Variants in DNAJC21 observed in about 807,000 individuals in gnomAD.
The protein encoded by DNAJC21 is dnaJ homolog subfamily C member 21.
A neutral mutation model predicts 72.4 loss-of-function variants in DNAJC21; 63 were observed. The observed-to-expected ratio is 0.87, with a 90% CI of 0.71 to 1.07. DNAJC21 has a LOEUF of 1.07. Among genes scored for constraint, DNAJC21 ranks in the 50% least tolerant of loss-of-function variants. The pLI, the probability that DNAJC21 is intolerant of heterozygous loss-of-function variation, is 0.00. For synonymous variants in DNAJC21, 203 were observed against 216.7 expected, an observed-to-expected ratio of 0.94 and a Z score of 0.56; for missense variants, 634 against 644.8, an observed-to-expected ratio of 0.98 and a Z score of 0.18.
rs1275137344 is a variant in DNAJC21, at chr5:34,937,357, G to C, written c.470G>C (p.Ser157Thr). 1 of 1,613,506 alleles carries C rather than the reference G, an allele frequency of 6.2e-7. No homozygotes were observed. Among genetic ancestry groups the C allele is most frequent in the East Asian group, 2.2e-5 (1 of 44,890 alleles). ...CATCCTTTCTACGCTTATTGGCAGA[G>C]TTTCTGCACTCAAAAGAATTTTGCA... ...VVHPFYAYWQ[S>T]FCTQKNFAWK... is the part of the protein sequence containing the mutation. Residue 157 changes from serine (S) to threonine (T), a missense_variant, in exon 5 of 12, where the codon AGT becomes ACT. Coordinates refer to ENST00000648817, the MANE Select transcript of DNAJC21 (RefSeq NM_001012339.3).
At chr5:34,945,735 A>T in intron 8 of DNAJC21, 26 bp from the exon 9 acceptor site, 1 of 1,571,916 alleles carries the variant, frequency 6.4e-7, no homozygotes, top group Non-Finnish European at 8.6e-7. Context: ...CAAGTATTTG[A>T]CATTTCGATT....
intron 2 of DNAJC21, among the ~76,000 whole-genome samples, chr5:34,934,998 T>C (rs1178140199): frequency 2.0e-5 from 3 of 152,198 alleles, no homozygotes; most frequent in Admixed American, 6.5e-5. Context: ...TACTCTCTTC[T>C]CAAGATCTTG....
At position 34,958,232 on chromosome 5, in the gene DNAJC21, A is replaced by G. The variant is rs1235625260; in HGVS notation, c.*3518A>G. 6.6e-6 allele frequency: 1 copy of G among 152,242 alleles called. No homozygotes were observed. The highest frequency in any genetic ancestry group is 1.5e-5 in the Non-Finnish European group (1 of 68,042). The allele number at this position is 152,242 out of a possible 1,614,324, so 9.4% of individuals were successfully genotyped here. On this transcript the variant is annotated 3_prime_UTR_variant, in exon 12 of 12. Coordinates refer to ENST00000648817, the MANE Select transcript of DNAJC21 (RefSeq NM_001012339.3). The stretch of plus-strand genomic sequence containing the variant: ...GCATGAACTTGTCCTAACAATGTCA[A>G]AGAATATTTTAAAGGTATACCAGTT...
chr5:34,945,840 C>T lies in DNAJC21; in HGVS notation c.1185+37C>T, dbSNP rs547874878. ...AGGTTTTGTTAACATTAAATGCCAA[C>T]GATAAAGTTGCAGTGCTCTTATTTA... is the stretch of plus-strand genomic sequence containing the variant. On this transcript the variant is annotated intron_variant, in intron 9 of 11. Coordinates refer to ENST00000648817, the MANE Select transcript of DNAJC21 (RefSeq NM_001012339.3). 79 of 1,434,422 alleles carry T rather than the reference C, an allele frequency of 5.5e-5. 1 individual carries two copies. Among genetic ancestry groups the T allele is most frequent in the South Asian group, 4.3e-4 (33 of 77,492 alleles). 88.9% of individuals were successfully genotyped at this position (1,434,422 alleles called of 1,614,324 possible). A position where few individuals can be genotyped will look rare whatever the true frequency, so the allele number is the denominator to read the frequency against.
intron 11 of DNAJC21, 52 bp downstream of exon 11, chr5:34,954,053 G>A: frequency 6.7e-7 from 1 of 1,495,876 alleles, no homozygotes; most frequent in South Asian, 1.3e-5. Context: ...TGTTTAAGCA[G>A]TATAATGATC....
chr5:34,938,976 A>G lies in DNAJC21; in HGVS notation c.862A>G (p.Met288Val), dbSNP rs1197847587. Residue 288 changes from methionine to valine, a missense_variant, in exon 6 of 12, where the codon ATG (methionine) becomes GTG (valine). Met to Val is a conservative substitution (Grantham distance 21). Coordinates refer to ENST00000648817, the MANE Select transcript of DNAJC21 (RefSeq NM_001012339.3). ...EFGDGSDENE[M>V]EEHELKDEED... Reference sequence around the variant, plus strand: ...TGGAGATGGATCGGATGAAAATGAAATGGAAGAACATGAACTCAAAGATGA... The same window carrying G: ...TGGAGATGGATCGGATGAAAATGAAGTGGAAGAACATGAACTCAAAGATGA... 3.1e-6 allele frequency: 5 copies of G among 1,612,996 alleles called. No homozygotes were observed. Among genetic ancestry groups the G allele is most frequent in the Middle Eastern group, 1.6e-4 (1 of 6,084 alleles).
intron 10 of DNAJC21, chr5:34,951,095 A>G (rs2112097755): frequency 2.0e-6 from 2 of 985,534 alleles, no homozygotes; most frequent in Non-Finnish European, 2.4e-6. Flanking sequence ...GAGTGTGTGT[A>G]CTTCGGAGTT....
At chr5:34,940,465 A>G (rs919393670) in intron 6 of DNAJC21, among the ~76,000 whole-genome samples, 21 of 152,330 alleles carry the variant, frequency 1.4e-4, no homozygotes, top group Non-Finnish European at 3.1e-4. Flanking sequence ...ATAAATCCCA[A>G]ATGACAGTTT....
Position 34,956,267 on chromosome 5 carries a change from T to G in DNAJC21, c.*1553T>G, listed in dbSNP as rs1269838162. The G allele has an allele frequency of 1.3e-5, 2 of 152,660 alleles. No homozygotes were observed. The highest frequency in any genetic ancestry group is 2.9e-5 in the Non-Finnish European group (2 of 68,046). The allele number at this position is 152,660 out of a possible 1,614,324, so 9.5% of individuals were successfully genotyped here. On this transcript the variant is annotated 3_prime_UTR_variant, in exon 12 of 12. Transcript: ENST00000648817. Reference sequence around the variant, plus strand: ...TTCATGGATAGTATTGATGATCAGATTTCTTCTGTGTTATTGTCTTAAAAA... The same window carrying G: ...TTCATGGATAGTATTGATGATCAGAGTTCTTCTGTGTTATTGTCTTAAAAA...
At chr5:34,940,713 TTAAGAG>T (rs1408711911) in intron 6 of DNAJC21, among the ~76,000 whole-genome samples, 1 of 152,224 alleles carries the variant, frequency 6.6e-6, no homozygotes, top group South Asian at 2.1e-4. Context: ...TATTAAGTAT[TTAAGAG>T]TAAGTCACAG....
Position 34,936,811 on chromosome 5 carries a change from C to CA in DNAJC21, c.439-514dup, listed in dbSNP as rs1162652301. On this transcript the variant is annotated intron_variant, in intron 4 of 11. Coordinates refer to ENST00000648817, the MANE Select transcript of DNAJC21 (RefSeq NM_001012339.3). ...TGTTGCTCAGGCTGGAGTGCATTGG[C>CA]ACCACCTCAGCTCACTGCAACCTCA... 9.2e-5 allele frequency among the ~76,000 whole-genome samples: 14 copies of CA among 152,228 alleles called. No homozygotes were observed. The East Asian group carries it at 2.5e-3, about 27-fold the overall frequency.
intron 8 of DNAJC21, 109 bp from the exon 9 acceptor site, chr5:34,945,652 C>A: frequency 1.1e-6 from 1 of 886,864 alleles, no homozygotes; most frequent in Non-Finnish European, 1.7e-6. Context: ...TATTTTTAAT[C>A]TTTTACTTCT....
chr5:34,935,886 C>T (rs1204445714), intron 3 of DNAJC21, 53 bp downstream of exon 3: 1 of 1,605,416 alleles, frequency 6.2e-7, no homozygotes, highest in African/African-American at 1.3e-5. Flanking sequence ...CATTAAGACT[C>T]ACATACAAAG....
In DNAJC21 at chr5:34,936,285, GT is replaced by G; in HGVS notation, c.438+21del. 1 of 1,601,168 alleles carries G rather than the reference GT, an allele frequency of 6.2e-7. No homozygotes were observed. The highest frequency in any genetic ancestry group is 8.5e-7 in the Non-Finnish European group (1 of 1,176,926). ...TGATACGGTAAAATAAAAATGCATT[GT>G]TCTATAATTAGTATTTATCACTGTG... On this transcript the variant is annotated intron_variant, in intron 4 of 11. Transcript: ENST00000648817.
chr5:34,948,574 TAGTG>T (rs751772041), intron 9 of DNAJC21, among the ~76,000 whole-genome samples: 5 of 152,290 alleles, frequency 3.3e-5, no homozygotes, highest in South Asian at 2.1e-4. Flanking sequence ...ACTTTTAAAA[TAGTG>T]AGAGCTGGCC....
At chr5:34,947,656 G>GTTTTTT (rs11404640) in intron 9 of DNAJC21, among the ~76,000 whole-genome samples, 1 of 87,292 alleles carries the variant, frequency 1.1e-5, no homozygotes, top group African/African-American at 3.3e-5. Context: ...TTTTCACCAT[G>GTTTTTT]TTTTTTTTTT....
At chr5:34,951,299 T>A in intron 10 of DNAJC21, 1 of 985,440 alleles carries the variant, frequency 1.0e-6, no homozygotes, top group Non-Finnish European at 1.2e-6. Flanking sequence ...GTTCCCTTTC[T>A]ACAAATGGGG....
intron 10 of DNAJC21, chr5:34,952,623 A>G (rs1005966647): frequency 6.6e-5 from 10 of 152,176 alleles, no homozygotes; most frequent in African/African-American, 2.4e-4. Flanking sequence ...AGATGAGTAG[A>G]GGAATGTTCA....
chr5:34,933,462 G>A (rs28588869), intron 1 of DNAJC21, among the ~76,000 whole-genome samples: 7,358 of 152,040 alleles, frequency 0.048, 408 homozygotes, highest in African/African-American at 0.13. Context: ...TAGCAGAAAC[G>A]GGGTTTCACC....
Sources: allele counts gnomAD v4.1 joint callset (sites outside exome capture counted in the v4.1 genomes callset), GRCh38; gene constraint gnomAD v4.1.1; transcripts MANE v1.5; gene names NCBI Gene and HGNC (gene_info 2026-07-23, HGNC 2026-07-21).